The following TAF4B variants were observed in gnomAD, a reference collection of about 807,000 sequenced individuals.
The protein encoded by TAF4B is transcription initiation factor TFIID subunit 4B.
A neutral mutation model predicts 86.4 loss-of-function variants in TAF4B; 38 were observed. That is an observed-to-expected ratio of 0.44 (90% confidence interval 0.34 to 0.58). The LOEUF (loss-of-function observed/expected upper bound fraction) is 0.58, where lower values mean the gene tolerates loss of function less well. Ranked by LOEUF, TAF4B falls within the 20% of genes least tolerant of loss-of-function variation. The pLI is 0.02. For synonymous variants in TAF4B, 388 were observed against 391.2 expected, an observed-to-expected ratio of 0.99 and a Z score of 0.10; for missense variants, 988 against 1,027.6, an observed-to-expected ratio of 0.96 and a Z score of 0.53.
At chr18:26,293,600 T>A (rs2056624181) in intron 9 of TAF4B, 69 bp downstream of exon 9, 2 of 940,788 alleles carry the variant, frequency 2.1e-6, no homozygotes, top group East Asian at 5.5e-5. Flanking sequence ...GATGACAGAA[T>A]AATACCTTAC....
At chr18:26,261,461 A>G (rs570060674) in intron 1 of TAF4B, among the ~76,000 whole-genome samples, 10 of 152,024 alleles carry the variant, frequency 6.6e-5, no homozygotes, top group Non-Finnish European at 1.3e-4. Flanking sequence ...CGGCCTCCCA[A>G]AGTGCTGGGA....
At chr18:26,327,977 C>G (rs1319694999) in intron 12 of TAF4B, among the ~76,000 whole-genome samples, 2 of 152,200 alleles carry the variant, frequency 1.3e-5, no homozygotes, top group Non-Finnish European at 2.9e-5. Context: ...ACTACAGTTT[C>G]CATTTTGAAG....
chr18:26,343,830 C>A (rs1477781943), intron 13 of TAF4B, among the ~76,000 whole-genome samples: 1 of 152,074 alleles, frequency 6.6e-6, no homozygotes, highest in Non-Finnish European at 1.5e-5. Flanking sequence ...GGAATCAATC[C>A]CCCATGTATA....
chr18:26,264,629 TAA>T lies in TAF4B; in HGVS notation c.344-540_344-539del, dbSNP rs1013822788. ...TTACATAGCAAAGGGGAGTAAGACC[TAA>T]TTGCTGTCTCATTTTAATGCCTCTC... On this transcript the variant is annotated intron_variant, in intron 1 of 14. Coordinates refer to ENST00000269142, the MANE Select transcript of TAF4B (RefSeq NM_005640.3). Among the ~76,000 whole-genome samples the T allele has an allele frequency of 2.3e-4, 35 of 152,256 alleles. 1 individual carries two copies. Among genetic ancestry groups the T allele is most frequent in the African/African-American group, 8.2e-4 (34 of 41,472 alleles).
intron 7 of TAF4B, 112 bp downstream of exon 7, chr18:26,286,611 G>T: frequency 1.7e-6 from 2 of 1,162,038 alleles, no homozygotes; most frequent in Admixed American, 3.6e-5. Context: ...TTACGGGTTT[G>T]ACCAATTAAT....
chr18:26,366,243 AC>A (rs1158235032), intron 14 of TAF4B: 11 of 152,334 alleles, frequency 7.2e-5, no homozygotes, highest in Admixed American at 2.0e-4. Flanking sequence ...GCATGAATTT[AC>A]CTCAGTGTAC....
Position 26,226,804 on chromosome 18 carries a change from G to C in TAF4B, c.-130G>C, listed in dbSNP as rs917992834. On this transcript the variant is annotated 5_prime_UTR_variant, in exon 1 of 15. Transcript: ENST00000269142. ...CGCCCGTCACTGACTTCGCTGCTGC[G>C]GCCCCCGCGCCTCTCCCCAGCGATG... 1.8e-5 allele frequency: 12 copies of C among 684,546 alleles called. No homozygotes were observed. Among genetic ancestry groups the C allele is most frequent in the Non-Finnish European group, 2.5e-5 (12 of 470,964 alleles). 42.4% of individuals were successfully genotyped at this position (684,546 alleles called of 1,614,324 possible). A position where few individuals can be genotyped will look rare whatever the true frequency, so the allele number is the denominator to read the frequency against.
At chr18:26,382,358 C>G (rs1978294591) in intron 14 of TAF4B, among the ~76,000 whole-genome samples, 1 of 152,188 alleles carries the variant, frequency 6.6e-6, no homozygotes, top group Non-Finnish European at 1.5e-5. Flanking sequence ...AGGAAATAAT[C>G]AATTTACTGC....
intron 13 of TAF4B, among the ~76,000 whole-genome samples, chr18:26,346,791 A>ATGTG (rs1299586871): frequency 3.4e-5 from 1 of 29,302 alleles, no homozygotes; most frequent in Non-Finnish European, 9.9e-5. Flanking sequence ...GTATATATAT[A>ATGTG]TATATATGTG....
chr18:26,249,725 T>C (rs2055976641), intron 1 of TAF4B, among the ~76,000 whole-genome samples: 1 of 152,188 alleles, frequency 6.6e-6, no homozygotes, highest in Non-Finnish European at 1.5e-5. Context: ...ACACTTTATT[T>C]ATTTTTTTTT....
At chr18:26,333,869 G>A (rs967995947) in intron 12 of TAF4B, among the ~76,000 whole-genome samples, 1 of 151,878 alleles carries the variant, frequency 6.6e-6, no homozygotes, top group Non-Finnish European at 1.5e-5. Flanking sequence ...TATATCATCT[G>A]TCTCCAAAGG....
rs192695253 is a variant in TAF4B, at chr18:26,250,919, G to A, written c.344-14251G>A. ...GGAGATATACCATAACTAATAGCACGACCTGGGATATAAACTTCTTGATTG... is the reference window on the plus strand; with the variant it reads ...GGAGATATACCATAACTAATAGCACAACCTGGGATATAAACTTCTTGATTG... On this transcript the variant is annotated intron_variant, in intron 1 of 14. Transcript: ENST00000269142. Among the ~76,000 whole-genome samples the A allele has an allele frequency of 3.5e-3, 537 of 152,198 alleles. 1 individual carries two copies. The highest frequency in any genetic ancestry group is 4.5e-3 in the Non-Finnish European group (305 of 68,010).
chr18:26,302,392 T>TTTTTTG (rs71169844), intron 9 of TAF4B, among the ~76,000 whole-genome samples: 1 of 147,870 alleles, frequency 6.8e-6, no homozygotes, highest in Non-Finnish European at 1.5e-5. Flanking sequence ...TTTTTTTTTT[T>TTTTTTG]GAGAAATGGT....
intron 12 of TAF4B, 108 bp from the exon 13 acceptor site, chr18:26,335,067 C>A: frequency 1.2e-6 from 1 of 802,686 alleles, no homozygotes; most frequent in Non-Finnish European, 2.0e-6. Context: ...TCCCCTGGAG[C>A]TAAGATATTC....
At chr18:26,352,762 A>G (rs2057255710) in intron 13 of TAF4B, among the ~76,000 whole-genome samples, 1 of 152,096 alleles carries the variant, frequency 6.6e-6, no homozygotes, top group African/African-American at 2.4e-5. Flanking sequence ...TCTCCCCGCC[A>G]CACCCCTCTC....
intron 1 of TAF4B, among the ~76,000 whole-genome samples, chr18:26,228,859 T>G (rs1014869054): frequency 2.6e-5 from 4 of 152,090 alleles, no homozygotes; most frequent in Non-Finnish European, 5.9e-5. Flanking sequence ...GATTGGGGCC[T>G]TATCATGCTA....
chr18:26,317,875 A>G (rs1159678424), intron 10 of TAF4B, among the ~76,000 whole-genome samples: 2 of 152,180 alleles, frequency 1.3e-5, no homozygotes, highest in Admixed American at 6.5e-5. Context: ...TTCAACATGA[A>G]TGACTTTTGG....
intron 3 of TAF4B, among the ~76,000 whole-genome samples, chr18:26,272,310 G>A (rs1791748): frequency 0.93 from 142,082 of 152,206 alleles, 66,589 homozygotes; most frequent in East Asian, 0.99. Flanking sequence ...GGCACCGCTG[G>A]CCTGACAGGA....
rs1382429196 is a variant in TAF4B, at chr18:26,390,890, G to T, written c.*878G>T. ...AAAATCACAGCACAACCAGAAAGGA[G>T]AATGTACCAGATGTTTTCAAATTAG... On this transcript the variant is annotated 3_prime_UTR_variant, in exon 15 of 15. Transcript: ENST00000269142. 5 of 152,188 alleles carry T rather than the reference G, an allele frequency of 3.3e-5. No individual in the cohort carries two copies. The highest frequency in any genetic ancestry group is 9.6e-5 in the African/African-American group (4 of 41,454). The allele number at this position is 152,188 out of a possible 1,614,324, so 9.4% of individuals were successfully genotyped here.
Sources: gnomAD v4.1 joint callset for allele counts (sites outside exome capture counted in the v4.1 genomes callset) on GRCh38, gnomAD v4.1.1 for gene constraint, MANE v1.5 for transcripts, NCBI Gene and HGNC (gene_info 2026-07-23, HGNC 2026-07-21) for gene names.